ATXN8OS: variants seen among roughly 807,000 people sequenced by gnomAD.
ATXN8OS encodes the protein ATXN8 opposite strand (non-protein coding).
chr13:70,170,034 G>T (rs1889126884), exon 5 of ATXN8OS, among the ~76,000 whole-genome samples: 1 of 152,054 alleles, frequency 6.6e-6, no homozygotes, highest in Non-Finnish European at 1.5e-5. Flanking sequence ...CTAAAACTGT[G>T]GTTGTGAACA....
At chr13:70,153,191 A>G (rs549875773) in intron 4 of ATXN8OS, among the ~76,000 whole-genome samples, 1 of 152,260 alleles carries the variant, frequency 6.6e-6, no homozygotes, top group East Asian at 1.9e-4. Flanking sequence ...ATTAGTAGCT[A>G]AAGAGTGAAT....
intron 4 of ATXN8OS, among the ~76,000 whole-genome samples, chr13:70,169,381 C>T (rs1178622010): frequency 6.6e-6 from 1 of 152,078 alleles, no homozygotes; most frequent in Non-Finnish European, 1.5e-5. Context: ...ACTGCAACCT[C>T]CACCTGCTGG....
upstream of ATXN8OS, chr13:70,107,613 G>T: frequency 6.3e-7 from 1 of 1,587,494 alleles, no homozygotes; most frequent in Non-Finnish European, 8.6e-7. Context: ...CCGGGCCGCC[G>T]GTGGAAGGAG....
intron 2 of ATXN8OS, among the ~76,000 whole-genome samples, chr13:70,116,442 G>A (rs1201239973): frequency 2.0e-5 from 3 of 152,124 alleles, no homozygotes; most frequent in Non-Finnish European, 2.9e-5. Context: ...CAGTGCCATA[G>A]CAGAAGGAAT....
chr13:70,131,489 T>G (rs2137483615), intron 3 of ATXN8OS: 1 of 398,526 alleles, frequency 2.5e-6, no homozygotes, highest in East Asian at 3.6e-5. Context: ...AGTCTCATTT[T>G]ACATATTTTT....
At chr13:70,125,493 T>A (rs1159589784) in intron 2 of ATXN8OS, among the ~76,000 whole-genome samples, 1 of 152,170 alleles carries the variant, frequency 6.6e-6, no homozygotes, top group Non-Finnish European at 1.5e-5. Context: ...GTACTCAAAT[T>A]TCCCTATCTG....
rs146782988 is a variant in ATXN8OS at position 70,109,636 on chromosome 13, C to G, written n.240+1617C>G. Among the ~76,000 whole-genome samples the G allele has an allele frequency of 1.5e-3, 234 of 152,292 alleles. 3 individuals carry two copies. The highest frequency in any genetic ancestry group is 0.014 in the East Asian group (72 of 5,174). The stretch of plus-strand genomic sequence containing the variant: ...TTTAAAATATTGATTTATGCCACAA[C>G]AGCTGGACTGCAATCCCTTGTGCCT... On this transcript the variant is annotated intron_variant and non_coding_transcript_variant, in intron 1 of 4. Transcript: ENST00000678624.
intron 3 of ATXN8OS, among the ~76,000 whole-genome samples, chr13:70,146,935 A>G (rs1266301429): frequency 2.0e-5 from 3 of 152,206 alleles, no homozygotes; most frequent in Non-Finnish European, 2.9e-5. Flanking sequence ...TTTTAAAAAA[A>G]GTGTCATAAT....
intron 3 of ATXN8OS, among the ~76,000 whole-genome samples, chr13:70,143,821 G>C (rs1022917937): frequency 2.0e-5 from 3 of 152,080 alleles, no homozygotes; most frequent in Non-Finnish European, 4.4e-5. Flanking sequence ...ATTTAAGTTT[G>C]GGAGTATGGA....
In ATXN8OS at chr13:70,124,533, T is replaced by C. The variant is rs530489485; in HGVS notation, n.399-5251T>C. 1.3e-5 allele frequency among the ~76,000 whole-genome samples: 2 copies of C among 152,086 alleles called. 1 individual carries two copies. The highest frequency in any genetic ancestry group is 4.8e-5 in the African/African-American group (2 of 41,524). On this transcript the variant is annotated intron_variant and non_coding_transcript_variant, in intron 2 of 4. Transcript: ENST00000678624. ...TTACCAACAGGCATGAGGGAAGCAA[T>C]TGAAAAGACTTTAGCCATGTGTTTG...
chr13:70,121,375 G>A (rs1409855330), intron 2 of ATXN8OS, among the ~76,000 whole-genome samples: 1 of 152,082 alleles, frequency 6.6e-6, no homozygotes, highest in Non-Finnish European at 1.5e-5. Flanking sequence ...TCATAGCATA[G>A]AGTTTGATTT....
intron 3 of ATXN8OS, among the ~76,000 whole-genome samples, chr13:70,133,535 C>A (rs1217479542): frequency 6.6e-6 from 1 of 152,142 alleles, no homozygotes; most frequent in Non-Finnish European, 1.5e-5. Context: ...GTGAATGTAA[C>A]AATATTTGGA....
chr13:70,167,723 CTT>C (rs4053603), intron 4 of ATXN8OS, among the ~76,000 whole-genome samples: 34 of 61,878 alleles, frequency 5.5e-4, no homozygotes, highest in Non-Finnish European at 1.0e-3. Flanking sequence ...TATGTAACTT[CTT>C]TTTTTTTTTT....
intron 2 of ATXN8OS, among the ~76,000 whole-genome samples, chr13:70,119,298 T>C (rs1184587205): frequency 6.6e-6 from 1 of 152,228 alleles, no homozygotes; most frequent in African/African-American, 2.4e-5. Flanking sequence ...CAGTCAGCCC[T>C]ACAGGAGTCC....
intron 4 of ATXN8OS, among the ~76,000 whole-genome samples, chr13:70,152,334 G>A (rs533665348): frequency 2.9e-5 from 4 of 136,610 alleles, no homozygotes; most frequent in African/African-American, 7.9e-5. Flanking sequence ...TATCCCAGCT[G>A]TACACTCTGT....
chr13:70,112,803 T>C (rs1888215666), intron 1 of ATXN8OS, among the ~76,000 whole-genome samples: 1 of 151,942 alleles, frequency 6.6e-6, no homozygotes, highest in Non-Finnish European at 1.5e-5. Context: ...TGTGTGTCTT[T>C]TTATTTCCCA....
intron 2 of ATXN8OS, among the ~76,000 whole-genome samples, chr13:70,116,070 T>G (rs1339806203): frequency 6.6e-6 from 1 of 152,062 alleles, no homozygotes; most frequent in Non-Finnish European, 1.5e-5. Context: ...AGTCTCTGCA[T>G]TATCATCCTT....
At chr13:70,156,626 G>A (rs1232978839) in intron 4 of ATXN8OS, among the ~76,000 whole-genome samples, 1 of 151,900 alleles carries the variant, frequency 6.6e-6, no homozygotes, top group Non-Finnish European at 1.5e-5. Context: ...GAAAACTTGA[G>A]CCAGTGAAAT....
chr13:70,142,995 C>T (rs952685500), intron 3 of ATXN8OS, among the ~76,000 whole-genome samples: 1 of 151,866 alleles, frequency 6.6e-6, no homozygotes, highest in Non-Finnish European at 1.5e-5. Flanking sequence ...ATCCCTTGAA[C>T]CCGGGAGGCA....
Sources: allele counts gnomAD v4.1 joint callset (sites outside exome capture counted in the v4.1 genomes callset), GRCh38; gene constraint gnomAD v4.1.1; transcripts MANE v1.5; gene names NCBI Gene and HGNC (gene_info 2026-07-23, HGNC 2026-07-21).